GLIPR2: variants seen among roughly 807,000 people sequenced by gnomAD.
GLIPR2 encodes the protein Golgi-associated plant pathogenesis-related protein 1.
A neutral mutation model predicts 20.4 loss-of-function variants in GLIPR2; 21 were observed. The observed-to-expected ratio is 1.03, with a 90% CI of 0.73 to 1.48. The LOEUF (loss-of-function observed/expected upper bound fraction) is 1.48. Among genes scored for constraint, GLIPR2 ranks in the 40% most tolerant of loss-of-function variants. GLIPR2 has a pLI of 0.00. For missense variants in GLIPR2, 205 were observed against 200.1 expected (o/e 1.02, Z -0.15); for synonymous variants, 91 against 80.5 (o/e 1.13, Z -0.70).
chr9:36,141,721 A>G, intron 1 of GLIPR2: 1 of 421,712 alleles, frequency 2.4e-6, no homozygotes, highest in Admixed American at 2.8e-5. Context: ...TGGTGCGATC[A>G]TGGCTCACTG....
chr9:36,140,299 G>T (rs958247940), intron 1 of GLIPR2, among the ~76,000 whole-genome samples: 1 of 152,192 alleles, frequency 6.6e-6, no homozygotes, highest in African/African-American at 2.4e-5. Context: ...AGGGACCAAC[G>T]AGCCCAGGAG....
At chr9:36,155,751 C>T in intron 4 of GLIPR2, among the ~76,000 whole-genome samples, 1 of 152,084 alleles carries the variant, frequency 6.6e-6, no homozygotes, top group East Asian at 1.9e-4. Context: ...CAGTCTCTTC[C>T]TCTCTCTCCT....
intron 1 of GLIPR2, among the ~76,000 whole-genome samples, chr9:36,138,043 G>T (rs548814366): frequency 1.3e-5 from 2 of 152,306 alleles, no homozygotes; most frequent in Middle Eastern, 6.8e-3. Flanking sequence ...TGAGCCCTGG[G>T]GTTCTTCACA....
At chr9:36,157,720 A>G (rs1431060382) in intron 4 of GLIPR2, among the ~76,000 whole-genome samples, 1 of 151,664 alleles carries the variant, frequency 6.6e-6, no homozygotes, top group African/African-American at 2.4e-5. Context: ...ACACATATAT[A>G]TATACACATA....
intron 4 of GLIPR2, among the ~76,000 whole-genome samples, chr9:36,151,363 C>G (rs1313213279): frequency 6.6e-6 from 1 of 152,196 alleles, no homozygotes; most frequent in Non-Finnish European, 1.5e-5. Context: ...GCCCCTGGTG[C>G]TCTCCTGATC....
At chr9:36,154,395 T>C (rs1321505116) in intron 4 of GLIPR2, among the ~76,000 whole-genome samples, 1 of 152,184 alleles carries the variant, frequency 6.6e-6, no homozygotes, top group African/African-American at 2.4e-5. Flanking sequence ...ATAAATGTTC[T>C]CTTTTCCCTT....
rs11281 is a variant in GLIPR2 at position 36,163,573 on chromosome 9, C to T, written c.*1051C>T. 13,338 of 153,350 alleles carry T rather than the reference C, an allele frequency of 0.087. 634 individuals are homozygous for T. The highest frequency in any genetic ancestry group is 0.1 in the Non-Finnish European group (6,918 of 68,784). The allele number at this position is 153,350 out of a possible 1,614,324, so 9.5% of individuals were successfully genotyped here. On this transcript the variant is annotated 3_prime_UTR_variant, in exon 5 of 5. Coordinates refer to ENST00000377960, the MANE Select transcript of GLIPR2 (RefSeq NM_022343.4). ...GACAAGCCCAAATGTTCCGGGGAGG[C>T]GGCCGGGGCAGGGGGCTTAGAAGTG...
In GLIPR2 at chr9:36,136,872, A is replaced by G. The variant is rs1824843042; in HGVS notation, c.13+81A>G. 8.0e-7 allele frequency: 1 copy of G among 1,249,820 alleles called. No individual in the cohort carries two copies. The highest frequency in any genetic ancestry group is 3.0e-5 in the South Asian group (1 of 33,126). The allele number at this position is 1,249,820 out of a possible 1,614,324, so 77.4% of individuals were successfully genotyped here. A position where few individuals can be genotyped will look rare whatever the true frequency, so the allele number is the denominator to read the frequency against. ...CTCGCCGTCTCCCTCGTCCGCCGCA[A>G]GCCAGGTCCTGGGGAGTGCGGGAGC... On this transcript the variant is annotated intron_variant, in intron 1 of 4. Transcript: ENST00000377960. The surrounding 1 kb of genome is among the most constrained non-coding windows in gnomAD (Gnocchi z 4.3).
chr9:36,151,657 G>A (rs1438529879), intron 4 of GLIPR2, among the ~76,000 whole-genome samples: 1 of 152,158 alleles, frequency 6.6e-6, no homozygotes, highest in Non-Finnish European at 1.5e-5. Flanking sequence ...TGACTCAAGT[G>A]CAGGGAGGAA....
intron 4 of GLIPR2, among the ~76,000 whole-genome samples, chr9:36,154,089 A>G (rs1412187785): frequency 7.9e-6 from 1 of 126,434 alleles, no homozygotes; most frequent in East Asian, 2.2e-4. Context: ...TATATTATAT[A>G]TATATATCTT....
Position 36,156,755 on chromosome 9 carries a change from C to T in GLIPR2, c.305-5607C>T, listed in dbSNP as rs1009533129. Among the ~76,000 whole-genome samples, 17 of 152,300 alleles carry T rather than the reference C, an allele frequency of 1.1e-4. No individual in the cohort carries two copies. The South Asian group carries it at 1.5e-3, about 13-fold the overall frequency. ...CATGAACCCTATTATGAATTCCTCA[C>T]GCAAGGGATCTAGGTTGCATGCTCC... On this transcript the variant is annotated intron_variant, in intron 4 of 4. Coordinates refer to ENST00000377960, the MANE Select transcript of GLIPR2 (RefSeq NM_022343.4).
At chr9:36,160,537 G>A (rs955382446) in intron 4 of GLIPR2, among the ~76,000 whole-genome samples, 42 of 151,192 alleles carry the variant, frequency 2.8e-4, no homozygotes, top group Non-Finnish European at 1.5e-5. Flanking sequence ...AGGGAAGGAG[G>A]GAGAGAAGAA....
chr9:36,142,469 G>A (rs1587130526), intron 1 of GLIPR2, among the ~76,000 whole-genome samples: 1 of 152,176 alleles, frequency 6.6e-6, no homozygotes, highest in South Asian at 2.1e-4. Context: ...AGAAGATGGC[G>A]AGAAATAAGA....
At chr9:36,140,208 C>T (rs940437697) in intron 1 of GLIPR2, among the ~76,000 whole-genome samples, 1 of 152,182 alleles carries the variant, frequency 6.6e-6, no homozygotes, top group African/African-American at 2.4e-5. Flanking sequence ...GGGACTTCCA[C>T]ACACCCTCTC....
At chr9:36,137,310 G>A (rs1587121301) in intron 1 of GLIPR2, among the ~76,000 whole-genome samples, 1 of 152,176 alleles carries the variant, frequency 6.6e-6, no homozygotes. Flanking sequence ...CTGTCGGGAT[G>A]AACTTTCTGC....
intron 4 of GLIPR2, among the ~76,000 whole-genome samples, chr9:36,153,966 C>T (rs879880089): frequency 4.6e-5 from 7 of 151,528 alleles, no homozygotes; most frequent in Admixed American, 2.0e-4. Context: ...CACCCCCAGC[C>T]CCACCCAGGC....
chr9:36,149,788 G>A, intron 3 of GLIPR2, among the ~76,000 whole-genome samples: 1 of 152,216 alleles, frequency 6.6e-6, no homozygotes, highest in Non-Finnish European at 1.5e-5. Context: ...AGCACTTTGG[G>A]AGGCCGAGGT....
intron 4 of GLIPR2, among the ~76,000 whole-genome samples, chr9:36,156,385 TAA>T (rs58467311): frequency 0.22 from 16,910 of 75,646 alleles, 917 homozygotes; most frequent in Non-Finnish European, 0.27. Flanking sequence ...AAGCCATGTC[TAA>T]AAAAAAAAAA....
Position 36,162,586 on chromosome 9 carries a change from C to A in GLIPR2, c.*64C>A, listed in dbSNP as rs533615838. ...GTGGATATGAAGTGCCTAGAACCAC[C>A]ACAACCTGGCTGTGCGTCTGTCCCT... On this transcript the variant is annotated 3_prime_UTR_variant, in exon 5 of 5. Coordinates refer to ENST00000377960, the MANE Select transcript of GLIPR2 (RefSeq NM_022343.4). 2.6e-6 allele frequency: 4 copies of A among 1,521,108 alleles called. No homozygotes were observed. Among genetic ancestry groups the A allele is most frequent in the South Asian group, 2.3e-5 (2 of 86,878 alleles). 94.2% of individuals were successfully genotyped at this position (1,521,108 alleles called of 1,614,324 possible). A position where few individuals can be genotyped will look rare whatever the true frequency, so the allele number is the denominator to read the frequency against.
Sources: gnomAD v4.1 joint callset for allele counts (sites outside exome capture counted in the v4.1 genomes callset) on GRCh38, gnomAD v4.1.1 for gene constraint, Gnocchi (gnomAD v3.1) non-coding constraint, MANE v1.5 for transcripts, NCBI Gene and HGNC (gene_info 2026-07-23, HGNC 2026-07-21) for gene names.